The following LSM11 variants were observed in gnomAD, a reference collection of about 807,000 sequenced individuals.
LSM11 encodes U7 snRNA-associated Sm-like protein LSm11.
In LSM11, 14 loss-of-function variants were observed where a neutral mutation model predicts 28.1. The ratio of observed to expected loss-of-function variants is 0.50; its 90% CI spans 0.33 to 0.78. The LOEUF is 0.78. Ranked by LOEUF, LSM11 falls within the 30% of genes least tolerant of loss-of-function variation. The pLI, the probability that LSM11 is intolerant of heterozygous loss-of-function variation, is 0.02. For synonymous variants in LSM11, 207 were observed against 214.2 expected (o/e 0.97, Z 0.30); for missense variants, 495 against 510.6 (o/e 0.97, Z 0.30).
At chr5:157,752,714 C>T (rs1297902744) in intron 2 of LSM11, among the ~76,000 whole-genome samples, 3 of 151,646 alleles carry the variant, frequency 2.0e-5, no homozygotes, top group Non-Finnish European at 4.4e-5. Flanking sequence ...GACATGGTGG[C>T]ACAAGCTTGT....
In LSM11 at chr5:157,755,112, G is replaced by T; in HGVS notation, c.931G>T (p.Gly311Cys). Reference sequence around the variant, plus strand: ...ACGGACAGACGGCTCCAGTGTGGGAGGTACCTTTTCCAGGGCTACCACCCT... The same window carrying T: ...ACGGACAGACGGCTCCAGTGTGGGATGTACCTTTTCCAGGGCTACCACCCT... Reference protein sequence around the residue: ...TTRTDGSSVGGTFSRATTLSR... With the variant: ...TTRTDGSSVGCTFSRATTLSR... The change falls in exon 4 of 4, where the codon GGT (glycine) becomes TGT (cysteine). Residue 311 changes from glycine to cysteine, a missense_variant. By Grantham distance (159) the Gly-to-Cys change is radical (BLOSUM62 -3). Coordinates refer to ENST00000286307, the MANE Select transcript of LSM11 (RefSeq NM_173491.4). The T allele has an allele frequency of 4.3e-6, 7 of 1,614,198 alleles. No homozygotes were observed. The highest frequency in any genetic ancestry group is 5.9e-6 in the Non-Finnish European group (7 of 1,180,056).
Position 157,753,985 on chromosome 5 carries a change from T to C in LSM11, c.589-19T>C. Reference sequence around the variant, plus strand: ...TTTTAATTCTGTCTAATGTTTTTCCTTTTGGGCTGTTCCTCTAGGCACTTA... The same window carrying C: ...TTTTAATTCTGTCTAATGTTTTTCCCTTTGGGCTGTTCCTCTAGGCACTTA... On this transcript the variant is annotated intron_variant, in intron 2 of 3. Transcript: ENST00000286307. The C allele has an allele frequency of 6.7e-7, 1 of 1,497,970 alleles. No individual in the cohort carries two copies. The highest frequency in any genetic ancestry group is 8.9e-7 in the Non-Finnish European group (1 of 1,121,724). 92.8% of individuals were successfully genotyped at this position (1,497,970 alleles called of 1,614,324 possible).
At chr5:157,750,089 G>A (rs1043592060) in intron 1 of LSM11, among the ~76,000 whole-genome samples, 2 of 151,932 alleles carry the variant, frequency 1.3e-5, no homozygotes, top group Admixed American at 6.6e-5. Flanking sequence ...GTGTACGCAC[G>A]AGAAAGAGAG....
chr5:157,744,070 C>T lies in LSM11; in HGVS notation c.320C>T (p.Pro107Leu), dbSNP rs868468080. 1.0e-5 allele frequency: 15 copies of T among 1,474,258 alleles called. No individual in the cohort carries two copies. The East Asian group carries it at 4.1e-4, about 40-fold the overall frequency. 91.3% of individuals were successfully genotyped at this position (1,474,258 alleles called of 1,614,324 possible). ...RRRPDAPAPDPERIQRLRRLM... is the reference protein window; with the variant it reads ...RRRPDAPAPDLERIQRLRRLM... ...CGCCCGGACGCGCCCGCCCCGGACCCCGAGCGCATCCAGCGCCTCCGCCGT... is the reference window on the plus strand; with the variant it reads ...CGCCCGGACGCGCCCGCCCCGGACCTCGAGCGCATCCAGCGCCTCCGCCGT... Residue 107 changes from proline to leucine, a missense_variant, in exon 1 of 4, where the codon CCC becomes CTC. By Grantham distance (98) the Pro-to-Leu change is moderately conservative. Coordinates refer to ENST00000286307, the MANE Select transcript of LSM11 (RefSeq NM_173491.4).
intron 1 of LSM11, among the ~76,000 whole-genome samples, chr5:157,749,839 A>G (rs1274421996): frequency 6.6e-6 from 1 of 152,228 alleles, no homozygotes; most frequent in Admixed American, 6.5e-5. Flanking sequence ...TATCACAGCC[A>G]TCATTTATAA....
rs1255155539 is a variant in LSM11, at chr5:157,758,821, C to G, written c.*3557C>G. The G allele has an allele frequency of 6.6e-6, 1 of 152,154 alleles. No individual in the cohort carries two copies. The highest frequency in any genetic ancestry group is 2.4e-5 in the African/African-American group (1 of 41,438). 9.4% of individuals were successfully genotyped at this position (152,154 alleles called of 1,614,324 possible). A position where few individuals can be genotyped will look rare whatever the true frequency, so the allele number is the denominator to read the frequency against. ...ACTTATGTAGTTGGTGAGGTCTTCT[C>G]AAAAGTATCTACCTTTGTTAGATAA... On this transcript the variant is annotated 3_prime_UTR_variant, in exon 4 of 4. Coordinates refer to ENST00000286307, the MANE Select transcript of LSM11 (RefSeq NM_173491.4).
Position 157,756,107 on chromosome 5 carries a change from CCTTCATGTCCAG to C in LSM11, c.*849_*860del, listed in dbSNP as rs1350793794. 3 of 165,498 alleles carry C rather than the reference CCTTCATGTCCAG, an allele frequency of 1.8e-5. No individual in the cohort carries two copies. Among genetic ancestry groups the C allele is most frequent in the African/African-American group, 7.1e-5 (3 of 42,042 alleles). The allele number at this position is 165,498 out of a possible 1,614,324, so 10.3% of individuals were successfully genotyped here. On this transcript the variant is annotated 3_prime_UTR_variant, in exon 4 of 4. Coordinates refer to ENST00000286307, the MANE Select transcript of LSM11 (RefSeq NM_173491.4). The stretch of plus-strand genomic sequence containing the variant: ...TGAGCTTTATGTCAGGAGACTGTGA[CCTTCATGTCCAG>C]CTTCAAAGAGTTGTGCATGAACTCG...
rs188464734 is a variant in LSM11 at position 157,752,337 on chromosome 5, C to T, written c.588+808C>T. Among the ~76,000 whole-genome samples, 420 of 151,094 alleles carry T rather than the reference C, an allele frequency of 2.8e-3. 3 individuals are homozygous for T. Among genetic ancestry groups the T allele is most frequent in the South Asian group, 0.018 (86 of 4,702 alleles). On this transcript the variant is annotated intron_variant, in intron 2 of 3. Transcript: ENST00000286307. ...TAGAGACAGGGTTTCACCATGTTGG[C>T]CAGGCTGGTCTTGAACTCCAGACCT...
intron 1 of LSM11, among the ~76,000 whole-genome samples, chr5:157,749,295 T>C (rs62388960): frequency 0.21 from 31,440 of 152,120 alleles, 3,435 homozygotes; most frequent in South Asian, 0.29. Context: ...TTTCCACTCT[T>C]TGTATAAACA....
intron 1 of LSM11, 130 bp from the exon 2 acceptor site, chr5:157,751,260 C>G: frequency 2.0e-6 from 2 of 1,011,398 alleles, no homozygotes; most frequent in Non-Finnish European, 2.8e-6. Flanking sequence ...TTGGACCTTC[C>G]TGTTCCAATA....
chr5:157,750,994 C>T (rs1400858667), intron 1 of LSM11, among the ~76,000 whole-genome samples: 1 of 152,140 alleles, frequency 6.6e-6, no homozygotes, highest in African/African-American at 2.4e-5. Context: ...GTTGGCCAGG[C>T]TGATCTCAAA....
In LSM11 at chr5:157,754,896, G is replaced by A; in HGVS notation, c.715G>A (p.Ala239Thr). The change falls in exon 4 of 4, where the codon GCA (alanine) becomes ACA (threonine). Residue 239 changes from alanine to threonine, a missense_variant. Ala to Thr is a moderately conservative substitution (Grantham distance 58, BLOSUM62 0). Transcript: ENST00000286307. Reference protein sequence around the residue: ...LKLQDSSKKEADSKSAVEDST... With the variant: ...LKLQDSSKKETDSKSAVEDST... ...ACTTCAAGATTCCTCCAAGAAGGAAGCAGATTCTAAGTCTGCAGTTGAAGA... is the reference window on the plus strand; with the variant it reads ...ACTTCAAGATTCCTCCAAGAAGGAAACAGATTCTAAGTCTGCAGTTGAAGA... 2 of 1,614,140 alleles carry A rather than the reference G, an allele frequency of 1.2e-6. No individual in the cohort carries two copies. The highest frequency in any genetic ancestry group is 1.7e-6 in the Non-Finnish European group (2 of 1,180,004).
In LSM11 at chr5:157,758,332, C is replaced by T. The variant is rs984477761; in HGVS notation, c.*3068C>T. The T allele has an allele frequency of 2.0e-5, 3 of 152,212 alleles. No homozygotes were observed. Among genetic ancestry groups the T allele is most frequent in the African/African-American group, 7.2e-5 (3 of 41,438 alleles). The allele number at this position is 152,212 out of a possible 1,614,324, so 9.4% of individuals were successfully genotyped here. On this transcript the variant is annotated 3_prime_UTR_variant, in exon 4 of 4. Coordinates refer to ENST00000286307, the MANE Select transcript of LSM11 (RefSeq NM_173491.4). Reference sequence around the variant, plus strand: ...TGTTAGCCAGGCTGGTCTTGAACTCCTGACCTTGGGTGATCCACCTGCCTC... The same window carrying T: ...TGTTAGCCAGGCTGGTCTTGAACTCTTGACCTTGGGTGATCCACCTGCCTC...
intron 3 of LSM11, 95 bp from the exon 4 acceptor site, chr5:157,754,759 G>T: frequency 1.6e-5 from 15 of 939,048 alleles, no homozygotes; most frequent in Non-Finnish European, 1.9e-5. Context: ...GGAGTCCACA[G>T]AACATAATTA....
In LSM11 at chr5:157,752,626, G is replaced by A. The variant is rs564324573; in HGVS notation, c.588+1097G>A. 3.4e-4 allele frequency among the ~76,000 whole-genome samples: 52 copies of A among 151,056 alleles called. 1 individual carries two copies. The highest frequency in any genetic ancestry group is 2.5e-3 in the South Asian group (12 of 4,746). On this transcript the variant is annotated intron_variant, in intron 2 of 3. Coordinates refer to ENST00000286307, the MANE Select transcript of LSM11 (RefSeq NM_173491.4). ...TTTGGAAGGCCGAGGCAGGCGGATCGCCTGAGGCCAGGAGTTCAAGACCAG... is the reference window on the plus strand; with the variant it reads ...TTTGGAAGGCCGAGGCAGGCGGATCACCTGAGGCCAGGAGTTCAAGACCAG...
Position 157,743,872 on chromosome 5 carries a change from G to A in LSM11, c.122G>A (p.Arg41His). 2 of 1,559,016 alleles carry A rather than the reference G, an allele frequency of 1.3e-6. No homozygotes were observed. Among genetic ancestry groups the A allele is most frequent in the South Asian group, 1.2e-5 (1 of 85,550 alleles). Residue 41 changes from arginine (R) to histidine (H), a missense_variant, in exon 1 of 4, where the codon CGC becomes CAC. Coordinates refer to ENST00000286307, the MANE Select transcript of LSM11 (RefSeq NM_173491.4). ...CCGCTGCTGGCCCTGTACGCGCCCC[G>A]CCTGCCTCCCATTCCCTACCCCAAT... ...FDPLLALYAP[R>H]LPPIPYPNAP...
chr5:157,752,674 C>T (rs1344454872), intron 2 of LSM11, among the ~76,000 whole-genome samples: 2 of 151,398 alleles, frequency 1.3e-5, no homozygotes, highest in Non-Finnish European at 2.9e-5. Flanking sequence ...AGGGAAACCC[C>T]CATCTCTACT....
At chr5:157,749,149 T>C (rs767677997) in intron 1 of LSM11, among the ~76,000 whole-genome samples, 23 of 152,212 alleles carry the variant, frequency 1.5e-4, no homozygotes, top group Non-Finnish European at 2.9e-4. Context: ...GAAAGACCAA[T>C]TGAAAGACCT....
chr5:157,754,460 G>A (rs998892224), intron 3 of LSM11, among the ~76,000 whole-genome samples: 8 of 152,202 alleles, frequency 5.3e-5, no homozygotes, highest in East Asian at 1.9e-4. Context: ...TTGGGAGGCC[G>A]AGGCGGGTGA....
Sources: gnomAD v4.1 joint callset for allele counts (sites outside exome capture counted in the v4.1 genomes callset) on GRCh38, gnomAD v4.1.1 for gene constraint, MANE v1.5 for transcripts, NCBI Gene and HGNC (gene_info 2026-07-23, HGNC 2026-07-21) for gene names.